Variants in INTS14 observed in about 807,000 individuals in gnomAD.
INTS14 encodes UPF0464 protein C15orf44.
In INTS14, 27 loss-of-function variants were observed where a neutral mutation model predicts 56.9. The ratio of observed to expected loss-of-function variants is 0.47; its 90% confidence interval spans 0.35 to 0.65. The LOEUF (loss-of-function observed/expected upper bound fraction) is 0.65, where lower values mean the gene tolerates loss of function less well. Ranked by LOEUF, INTS14 falls within the 30% of genes least tolerant of loss-of-function variation. The pLI, the probability that INTS14 is intolerant of heterozygous loss-of-function variation, is 0.00. For missense variants in INTS14, 517 were observed against 632.2 expected, an observed-to-expected ratio of 0.82 and a Z score of 1.95; for synonymous variants, 207 against 236.2, an observed-to-expected ratio of 0.88 and a Z score of 1.13.
chr15:65,607,482 AAAT>A (rs2141332540), intron 1 of INTS14, 40 bp from the exon 2 acceptor site: 2 of 1,527,190 alleles, frequency 1.3e-6, no homozygotes, highest in East Asian at 4.8e-5. Flanking sequence ...CATGGAGAGA[AAAT>A]AATATTTTTC....
intron 3 of INTS14, among the ~76,000 whole-genome samples, chr15:65,600,787 C>T (rs560529424): frequency 1.3e-5 from 2 of 152,256 alleles, no homozygotes; most frequent in East Asian, 1.9e-4. Context: ...TTTGTCAAAA[C>T]TCAGTGAACT....
At chr15:65,605,095 T>C (rs576842663) in intron 3 of INTS14, 34 bp downstream of exon 3, 3 of 1,526,752 alleles carry the variant, frequency 2.0e-6, no homozygotes, top group East Asian at 2.3e-5. Context: ...TTAATGTTGT[T>C]AACTTAGGGC....
Position 65,584,766 on chromosome 15 carries a change from T to A in INTS14, c.1239+4A>T. ...GTGGAAAGCAACATAAATGGTAATGTTACCTGCAGGCCGCTGGGTTTGATC... is the reference window on the plus strand; with the variant it reads ...GTGGAAAGCAACATAAATGGTAATGATACCTGCAGGCCGCTGGGTTTGATC... On this transcript the variant is annotated splice_donor_region_variant and intron_variant, in intron 10 of 11. Coordinates refer to ENST00000313182, the MANE Select transcript of INTS14 (RefSeq NM_001394796.1). 1.2e-6 allele frequency: 2 copies of A among 1,610,872 alleles called. No individual in the cohort carries two copies. Among genetic ancestry groups the A allele is most frequent in the Admixed American group, 3.4e-5 (2 of 59,576 alleles).
At chr15:65,610,893 C>T (rs1283398013) in intron 1 of INTS14, 127 of 1,483,276 alleles carry the variant, frequency 8.6e-5, no homozygotes, top group Non-Finnish European at 1.1e-4. Flanking sequence ...GCAGTTTACG[C>T]GGAGCTGGGG....
chr15:65,607,532 G>A (rs2073700965), intron 1 of INTS14, 90 bp from the exon 2 acceptor site: 1 of 1,383,218 alleles, frequency 7.2e-7, no homozygotes, highest in Middle Eastern at 2.0e-4. Context: ...AATTAGCAGA[G>A]GCAAACACCA....
At chr15:65,592,455 A>C (rs1259493638) in intron 8 of INTS14, among the ~76,000 whole-genome samples, 1 of 152,214 alleles carries the variant, frequency 6.6e-6, no homozygotes, top group Non-Finnish European at 1.5e-5. Context: ...ACTTCAGAAA[A>C]TGTAAAAGCT....
intron 10 of INTS14, among the ~76,000 whole-genome samples, chr15:65,583,726 G>A (rs750384033): frequency 6.6e-6 from 1 of 151,978 alleles, no homozygotes; most frequent in Non-Finnish European, 1.5e-5. Context: ...TAGTAGTGAA[G>A]ATTCAAACAA....
chr15:65,610,762 G>A (rs1002161872), intron 1 of INTS14: 2 of 1,535,530 alleles, frequency 1.3e-6, no homozygotes, highest in Non-Finnish European at 1.7e-6. Flanking sequence ...TAAAAGTCCA[G>A]ACTGAAAATC....
chr15:65,596,853 C>T (rs1432513271), intron 6 of INTS14, among the ~76,000 whole-genome samples: 3 of 152,312 alleles, frequency 2.0e-5, no homozygotes, highest in South Asian at 2.1e-4. Flanking sequence ...TGTGAGCCAC[C>T]GTGCCCGACC....
At chr15:65,608,343 T>C (rs944654718) in intron 1 of INTS14, among the ~76,000 whole-genome samples, 21 of 123,150 alleles carry the variant, frequency 1.7e-4, no homozygotes, top group African/African-American at 6.8e-4. Context: ...CCAGCCTGGG[T>C]GACAGACGAA....
chr15:65,607,747 T>C (rs902735614), intron 1 of INTS14, among the ~76,000 whole-genome samples: 1 of 152,224 alleles, frequency 6.6e-6, no homozygotes, highest in Non-Finnish European at 1.5e-5. Context: ...TGCAACTTAA[T>C]AAACTCCCAC....
At chr15:65,594,565 T>G (rs963390812) in intron 7 of INTS14, among the ~76,000 whole-genome samples, 1 of 150,268 alleles carries the variant, frequency 6.7e-6, no homozygotes, top group African/African-American at 2.4e-5. Flanking sequence ...GGTTTTTTTT[T>G]TTTTTTTTTT....
At chr15:65,604,025 C>G (rs59170139) in intron 3 of INTS14, among the ~76,000 whole-genome samples, 1,890 of 152,320 alleles carry the variant, frequency 0.012, 41 homozygotes, top group African/African-American at 0.044. Context: ...TGCTACTACT[C>G]TGCTCTGATT....
At chr15:65,595,485 A>T (rs900548961) in intron 7 of INTS14, among the ~76,000 whole-genome samples, 3 of 152,248 alleles carry the variant, frequency 2.0e-5, no homozygotes, top group Non-Finnish European at 4.4e-5. Context: ...AAGCATTCTC[A>T]TCTCTAAAGA....
chr15:65,599,727 C>T, intron 4 of INTS14, 47 bp downstream of exon 4: 2 of 1,594,994 alleles, frequency 1.3e-6, no homozygotes, highest in Non-Finnish European at 1.7e-6. Context: ...ATAAACTAAG[C>T]TGTAAAATAT....
chr15:65,590,800 A>G (rs2072998245), intron 9 of INTS14, among the ~76,000 whole-genome samples: 1 of 152,192 alleles, frequency 6.6e-6, no homozygotes, highest in Admixed American at 6.5e-5. Flanking sequence ...TGTTCCTGAA[A>G]TTGAAATGGG....
At chr15:65,586,881 A>G (rs958770334) in intron 9 of INTS14, 10 of 152,340 alleles carry the variant, frequency 6.6e-5, no homozygotes, top group Middle Eastern at 3.4e-3. Context: ...ATGAATTGCC[A>G]GATGGAAAGG....
chr15:65,598,983 C>A lies in INTS14; in HGVS notation c.494G>T (p.Ser165Ile), dbSNP rs1322607718. Residue 165 changes from serine to isoleucine, a missense_variant, in exon 5 of 12, where the codon AGC becomes ATC. By Grantham distance (142) the Ser-to-Ile change is moderately radical. Coordinates refer to ENST00000313182, the MANE Select transcript of INTS14 (RefSeq NM_001394796.1). Reference protein sequence around the residue: ...MCMANLEELQSTDSLECLERL... With the variant: ...MCMANLEELQITDSLECLERL... ...TTCAAGGCATTCCAAGGAATCGGTG[C>A]TCTGGAGCTATAAAGCAAAACAGAT... 1.2e-6 allele frequency: 2 copies of A among 1,612,884 alleles called. No homozygotes were observed. The highest frequency in any genetic ancestry group is 1.7e-6 in the Non-Finnish European group (2 of 1,179,492).
chr15:65,595,852 T>G, intron 6 of INTS14, 27 bp from the exon 7 acceptor site: 2 of 1,513,662 alleles, frequency 1.3e-6, no homozygotes, highest in Non-Finnish European at 1.8e-6. Flanking sequence ...AACACAGAAT[T>G]AATTCATTCT....
Sources: gnomAD v4.1 joint callset for allele counts (sites outside exome capture counted in the v4.1 genomes callset) on GRCh38, gnomAD v4.1.1 for gene constraint, MANE v1.5 for transcripts, NCBI Gene and HGNC (gene_info 2026-07-23, HGNC 2026-07-21) for gene names.